Variants in CSRNP3 observed in about 807,000 individuals in gnomAD.
The protein encoded by CSRNP3 is cysteine/serine-rich nuclear protein 3.
CSRNP3 carries 12 observed loss-of-function variants against 48.0 expected under a neutral mutation model. That is an observed-to-expected ratio of 0.25 (90% CI 0.16 to 0.41). The LOEUF is 0.41. Among genes scored for constraint, CSRNP3 ranks in the 10% least tolerant of loss-of-function variants. The pLI, the probability that CSRNP3 is intolerant of heterozygous loss-of-function variation, is 1.00. For missense variants in CSRNP3, 580 were observed against 724.4 expected (o/e 0.80, Z 2.29); for synonymous variants, 263 against 269.7 (o/e 0.98, Z 0.24).
rs1366333818 is a variant in CSRNP3 at position 165,686,983 on chromosome 2, G to A, written c.*7230G>A. On this transcript the variant is annotated 3_prime_UTR_variant, in exon 7 of 7. Coordinates refer to ENST00000651982, the MANE Select transcript of CSRNP3 (RefSeq NM_001172173.2). Reference sequence around the variant, plus strand: ...TGTCACTTAGGCATGCCCAACAGGAGAGATCGCCATCTATTCTTAACATCT... The same window carrying A: ...TGTCACTTAGGCATGCCCAACAGGAAAGATCGCCATCTATTCTTAACATCT... 6.6e-6 allele frequency: 1 copy of A among 152,094 alleles called. No homozygotes were observed. The highest frequency in any genetic ancestry group is 1.5e-5 in the Non-Finnish European group (1 of 67,986). 9.4% of individuals were successfully genotyped at this position (152,094 alleles called of 1,614,324 possible).
chr2:165,618,440 T>G (rs142336901), intron 4 of CSRNP3, among the ~76,000 whole-genome samples: 1 of 152,364 alleles, frequency 6.6e-6, no homozygotes, highest in African/African-American at 2.4e-5. Context: ...TTAACATAGC[T>G]GTCATTGTCA....
At chr2:165,677,121 C>T (rs1445539425) in intron 6 of CSRNP3, among the ~76,000 whole-genome samples, 1 of 152,216 alleles carries the variant, frequency 6.6e-6, no homozygotes, top group Non-Finnish European at 1.5e-5. Context: ...CACTGGGTTA[C>T]TTTCTTTATC....
chr2:165,534,127 A>T (rs1279743070), intron 3 of CSRNP3, among the ~76,000 whole-genome samples: 1 of 152,072 alleles, frequency 6.6e-6, no homozygotes, highest in Non-Finnish European at 1.5e-5. Flanking sequence ...CAAGTAAAGG[A>T]AATTCTGTGC....
At chr2:165,638,235 G>A (rs902465622) in intron 4 of CSRNP3, among the ~76,000 whole-genome samples, 1 of 152,228 alleles carries the variant, frequency 6.6e-6, no homozygotes, top group Non-Finnish European at 1.5e-5. Flanking sequence ...GCCAAGGCAG[G>A]TGGATCGCTG....
At chr2:165,579,921 CT>C (rs147087270) in intron 3 of CSRNP3, among the ~76,000 whole-genome samples, 58 of 70,526 alleles carry the variant, frequency 8.2e-4, no homozygotes, top group Middle Eastern at 0.014. Context: ...CATGACTCTA[CT>C]TTTTTTTTTT....
chr2:165,669,801 G>A (rs1003398936), intron 5 of CSRNP3, among the ~76,000 whole-genome samples: 1 of 152,068 alleles, frequency 6.6e-6, no homozygotes, highest in African/African-American at 2.4e-5. Flanking sequence ...ACACACATGT[G>A]CATGCGTGCC....
Position 165,595,214 on chromosome 2 carries a change from G to A in CSRNP3, c.148+1G>A, listed in dbSNP as rs1400991909. On this transcript the variant is annotated splice_donor_variant, in intron 4 of 6. Coordinates refer to ENST00000651982, the MANE Select transcript of CSRNP3 (RefSeq NM_001172173.2). LOFTEE classifies it high-confidence loss of function. Reference sequence around the variant, plus strand: ...CCATCCACTTCTAGTCATTTTACCCGTGAGTACTGAAATCAGAACCGAAGT... The same window carrying A: ...CCATCCACTTCTAGTCATTTTACCCATGAGTACTGAAATCAGAACCGAAGT... 1 of 1,605,792 alleles carries A rather than the reference G, an allele frequency of 6.2e-7. No individual in the cohort carries two copies. The highest frequency in any genetic ancestry group is 1.7e-5 in the Admixed American group (1 of 59,796).
At chr2:165,495,417 C>T (rs1364363528) in intron 2 of CSRNP3, among the ~76,000 whole-genome samples, 1 of 152,030 alleles carries the variant, frequency 6.6e-6, no homozygotes, top group Non-Finnish European at 1.5e-5. Context: ...AAAACTCAGA[C>T]TCAAGGCCAA....
chr2:165,480,790 T>C (rs1308290183), intron 1 of CSRNP3, among the ~76,000 whole-genome samples: 1 of 125,038 alleles, frequency 8.0e-6, no homozygotes, highest in Non-Finnish European at 1.8e-5. Flanking sequence ...ATTATATATA[T>C]AATATATATA....
At chr2:165,533,554 T>C (rs1684843449) in intron 3 of CSRNP3, among the ~76,000 whole-genome samples, 1 of 152,086 alleles carries the variant, frequency 6.6e-6, no homozygotes, top group African/African-American at 2.4e-5. Context: ...GGTTTATTGA[T>C]GCAGTGGGAC....
At chr2:165,494,534 T>C (rs778331743) in intron 1 of CSRNP3, among the ~76,000 whole-genome samples, 1 of 152,096 alleles carries the variant, frequency 6.6e-6, no homozygotes, top group African/African-American at 2.4e-5. Flanking sequence ...ATATTTTTAA[T>C]TTTTACTTTT....
intron 4 of CSRNP3, among the ~76,000 whole-genome samples, chr2:165,614,658 A>G (rs1686200382): frequency 6.6e-6 from 1 of 152,186 alleles, no homozygotes. Flanking sequence ...ATTTTATCAA[A>G]TGCTTTTTCT....
At chr2:165,555,280 G>A (rs1259383358) in intron 3 of CSRNP3, among the ~76,000 whole-genome samples, 1 of 152,118 alleles carries the variant, frequency 6.6e-6, no homozygotes. Flanking sequence ...CAGAATGAAA[G>A]CTCCTTGAGG....
At chr2:165,571,982 A>G (rs1685379472) in intron 3 of CSRNP3, among the ~76,000 whole-genome samples, 1 of 152,176 alleles carries the variant, frequency 6.6e-6, no homozygotes, top group Non-Finnish European at 1.5e-5. Context: ...ATATTGCCAA[A>G]TCATTCAGTA....
intron 4 of CSRNP3, among the ~76,000 whole-genome samples, chr2:165,622,623 T>C (rs1364705554): frequency 6.6e-6 from 1 of 152,210 alleles, no homozygotes; most frequent in Non-Finnish European, 1.5e-5. Flanking sequence ...ATCTTGTGTT[T>C]GAAGTTGGCT....
intron 4 of CSRNP3, among the ~76,000 whole-genome samples, chr2:165,636,254 G>A (rs1686626251): frequency 6.6e-6 from 1 of 152,064 alleles, no homozygotes; most frequent in Non-Finnish European, 1.5e-5. Flanking sequence ...AAATTGCCTG[G>A]ATTCTAGGTG....
At chr2:165,542,010 A>G (rs930571878) in intron 3 of CSRNP3, among the ~76,000 whole-genome samples, 1 of 152,178 alleles carries the variant, frequency 6.6e-6, no homozygotes, top group African/African-American at 2.4e-5. Context: ...TCACCACAGC[A>G]CTGTCCATGC....
rs1687592296 is a variant in CSRNP3, at chr2:165,684,220, C to CA, written c.*4468dup. 6.6e-6 allele frequency: 1 copy of CA among 152,078 alleles called. No individual in the cohort carries two copies. The highest frequency in any genetic ancestry group is 2.4e-5 in the African/African-American group (1 of 41,426). The allele number at this position is 152,078 out of a possible 1,614,324, so 9.4% of individuals were successfully genotyped here. ...ACATCACTTTGCAGCAGGTGGAAAA[C>CA]AGAGAGGTTGTTAGACTCCATCACT... is the stretch of plus-strand genomic sequence containing the variant. On this transcript the variant is annotated 3_prime_UTR_variant, in exon 7 of 7. Transcript: ENST00000651982.
At chr2:165,574,290 G>A in intron 3 of CSRNP3, 1 of 1,248,956 alleles carries the variant, frequency 8.0e-7, no homozygotes, top group Non-Finnish European at 1.1e-6. Context: ...CAGGGCTGGT[G>A]GAAAGCTGGA....
Sources: allele counts gnomAD v4.1 joint callset (sites outside exome capture counted in the v4.1 genomes callset), GRCh38; gene constraint gnomAD v4.1.1; transcripts MANE v1.5; gene names NCBI Gene and HGNC (gene_info 2026-07-23, HGNC 2026-07-21).